Variants in TENM4 observed in about 807,000 individuals in gnomAD.
TENM4 encodes the protein teneurin transmembrane protein 4.
In TENM4, 82 loss-of-function variants were observed where a neutral mutation model predicts 243.3. The ratio of observed to expected loss-of-function variants is 0.34; its 90% confidence interval spans 0.28 to 0.40. The LOEUF is 0.40. Ranked by LOEUF, TENM4 falls within the 10% of genes least tolerant of loss-of-function variation. The pLI, the probability that TENM4 is intolerant of heterozygous loss-of-function variation, is 1.00. For missense variants in TENM4, 3,138 were observed against 3,673.3 expected (o/e 0.85, Z 3.77); for synonymous variants, 1,412 against 1,456.3 (o/e 0.97, Z 0.69).
At position 78,732,350 on chromosome 11, in the gene TENM4, C is replaced by A. The variant is rs1855689019; in HGVS notation, c.3104G>T (p.Cys1035Phe). ...CGGCACAATGGGGCCTTTCTCTGCA[C>A]AGGAGCTGGCGAAGGACGTCAGTGG... is the stretch of plus-strand genomic sequence containing the variant. ...PSPLTSFASS[C>F]AEKGPIVPEI... Residue 1035 changes from cysteine to phenylalanine, a missense_variant, in exon 21 of 34, where the codon TGT becomes TTT. By Grantham distance (205) the Cys-to-Phe change is radical (BLOSUM62 -2). Around this residue, in one of 2 missense-constraint regions of TENM4, gnomAD observed 2,467 missense variants for 3,059.1 expected, o/e 0.81. Transcript: ENST00000278550. 1 of 1,613,036 alleles carries A rather than the reference C, an allele frequency of 6.2e-7. No homozygotes were observed. The highest frequency in any genetic ancestry group is 8.5e-7 in the Non-Finnish European group (1 of 1,179,312).
At chr11:79,412,180 C>A (rs1312803845) in intron 1 of TENM4, among the ~76,000 whole-genome samples, 1 of 152,192 alleles carries the variant, frequency 6.6e-6, no homozygotes, top group Non-Finnish European at 1.5e-5. Context: ...AGCAAGTTAG[C>A]CGGTTGGTAA....
chr11:79,019,636 C>T (rs113172013), intron 6 of TENM4, among the ~76,000 whole-genome samples: 87 of 152,314 alleles, frequency 5.7e-4, no homozygotes, highest in Non-Finnish European at 9.8e-4. Context: ...TTATTCATCA[C>T]CCACTATGCA....
chr11:78,709,932 G>A (rs1030422169), intron 26 of TENM4, among the ~76,000 whole-genome samples: 2 of 152,208 alleles, frequency 1.3e-5, no homozygotes, highest in Admixed American at 6.5e-5. Context: ...ATGAACTGTC[G>A]TGGGATACAG....
intron 1 of TENM4, among the ~76,000 whole-genome samples, chr11:79,327,372 G>C (rs1856991380): frequency 1.3e-5 from 2 of 152,124 alleles, no homozygotes; most frequent in Admixed American, 1.3e-4. Flanking sequence ...AGAAATGAAG[G>C]TTTAGGGCCA....
At chr11:79,037,015 CAAAAAAAAAAAAAAAAAAA>C (rs369421583) in intron 6 of TENM4, among the ~76,000 whole-genome samples, 16,607 of 91,726 alleles carry the variant, frequency 0.18, 1,252 homozygotes, top group Middle Eastern at 0.3. Flanking sequence ...GACTCCATCT[CAAAAAAAAAAAAAAAAAAA>C]AAAAAAAAAA....
intron 6 of TENM4, among the ~76,000 whole-genome samples, chr11:78,905,669 G>C (rs901563212): frequency 2.6e-5 from 4 of 152,176 alleles, no homozygotes; most frequent in Non-Finnish European, 5.9e-5. Flanking sequence ...GGGTCCCCAG[G>C]AAGGTGACAG....
intron 20 of TENM4, among the ~76,000 whole-genome samples, chr11:78,738,232 C>G (rs1308235787): frequency 6.6e-6 from 1 of 152,144 alleles, no homozygotes; most frequent in African/African-American, 2.4e-5. Context: ...ACTCTGAGAA[C>G]CAAATGAGAA....
chr11:79,365,586 C>T (rs375859537), intron 1 of TENM4, among the ~76,000 whole-genome samples: 11 of 152,262 alleles, frequency 7.2e-5, no homozygotes, highest in African/African-American at 1.7e-4. Context: ...CTGGGCCAGG[C>T]GCTGAGGACA....
At chr11:78,929,923 T>C (rs570195658) in intron 6 of TENM4, among the ~76,000 whole-genome samples, 48 of 152,290 alleles carry the variant, frequency 3.2e-4, no homozygotes, top group Middle Eastern at 3.4e-3. Flanking sequence ...ACAGAACCCG[T>C]TGCAATTGTG....
chr11:78,814,919 C>CT (rs1282106108), intron 12 of TENM4, among the ~76,000 whole-genome samples: 1 of 152,244 alleles, frequency 6.6e-6, no homozygotes, highest in Non-Finnish European at 1.5e-5. Context: ...CTACACCAGC[C>CT]TGAGGCAGGC....
intron 8 of TENM4, 74 bp downstream of exon 8, chr11:78,891,164 T>C: frequency 7.2e-7 from 1 of 1,382,510 alleles, no homozygotes; most frequent in South Asian, 1.3e-5. Flanking sequence ...CAGGGAAAGG[T>C]CTCAGGGTCT....
chr11:79,017,825 A>G (rs566563194), intron 6 of TENM4, among the ~76,000 whole-genome samples: 1 of 152,222 alleles, frequency 6.6e-6, no homozygotes, highest in African/African-American at 2.4e-5. Context: ...GGCCCTGTGT[A>G]CAGGGCTCAG....
intron 7 of TENM4, among the ~76,000 whole-genome samples, chr11:78,894,936 C>T (rs2136305740): frequency 7.3e-6 from 1 of 137,296 alleles, no homozygotes; most frequent in South Asian, 2.4e-4. Flanking sequence ...CTGAGGCTGC[C>T]ATAAGCCTCT....
chr11:78,872,467 C>G (rs928369145), intron 9 of TENM4, among the ~76,000 whole-genome samples: 2 of 152,166 alleles, frequency 1.3e-5, no homozygotes, highest in African/African-American at 4.8e-5. Flanking sequence ...ACGCCACTGC[C>G]AGGTCTGGGA....
chr11:78,914,725 T>C (rs1018893235), intron 6 of TENM4, among the ~76,000 whole-genome samples: 1 of 152,214 alleles, frequency 6.6e-6, no homozygotes, highest in Non-Finnish European at 1.5e-5. Context: ...CTCTGGGAAC[T>C]GCCACTGTGT....
At chr11:79,156,786 T>C (rs746670233) in intron 3 of TENM4, among the ~76,000 whole-genome samples, 1 of 152,220 alleles carries the variant, frequency 6.6e-6, no homozygotes, top group Non-Finnish European at 1.5e-5. Flanking sequence ...ATACACTAAT[T>C]AATCTATGTA....
intron 9 of TENM4, among the ~76,000 whole-genome samples, chr11:78,880,252 G>A: frequency 6.6e-6 from 1 of 152,098 alleles, no homozygotes; most frequent in East Asian, 1.9e-4. Flanking sequence ...ATGCTTGAAG[G>A]CAGCATGCTC....
chr11:79,405,817 C>A, intron 1 of TENM4, among the ~76,000 whole-genome samples: 1 of 136,860 alleles, frequency 7.3e-6, no homozygotes, highest in Non-Finnish European at 1.5e-5. Flanking sequence ...CATTTTTGTC[C>A]ATCTAATTTC....
chr11:78,862,947 A>G lies in TENM4; in HGVS notation c.1255+15T>C. On this transcript the variant is annotated intron_variant, in intron 10 of 33. Transcript: ENST00000278550. ...ACACAGAGGACTCACAACACGGACA[A>G]CGCAGCAACCCTACCTTCTGTGGTT... 7.0e-7 allele frequency: 1 copy of G among 1,427,452 alleles called. No individual in the cohort carries two copies. The highest frequency in any genetic ancestry group is 9.3e-7 in the Non-Finnish European group (1 of 1,070,572). The allele number at this position is 1,427,452 out of a possible 1,614,324, so 88.4% of individuals were successfully genotyped here.
Sources: gnomAD v4.1 joint callset for allele counts (sites outside exome capture counted in the v4.1 genomes callset) on GRCh38, gnomAD v4.1.1 for gene constraint, gnomAD v4.1.1 regional missense constraint, MANE v1.5 for transcripts, NCBI Gene and HGNC (gene_info 2026-07-23, HGNC 2026-07-21) for gene names.